Variants in ZNF395 observed in about 807,000 individuals in gnomAD.
The protein encoded by ZNF395 is HD gene regulatory region-binding protein 2.
A neutral mutation model predicts 57.7 loss-of-function variants in ZNF395; 20 were observed. The observed-to-expected ratio is 0.35, with a 90% CI of 0.24 to 0.50. ZNF395 has a LOEUF of 0.50. Among genes scored for constraint, ZNF395 ranks in the 20% least tolerant of loss-of-function variants. The probability of loss-of-function intolerance (pLI) is 0.97; values close to 1 mark genes in which losing one functional copy is unlikely to be tolerated. For missense variants in ZNF395, 606 were observed against 671.2 expected, an observed-to-expected ratio of 0.90 and a Z score of 1.07; for synonymous variants, 295 against 275.9, an observed-to-expected ratio of 1.07 and a Z score of -0.69.
chr8:28,385,110 T>C (rs1476979585), intron 1 of ZNF395: 1 of 152,282 alleles, frequency 6.6e-6, no homozygotes, highest in Non-Finnish European at 1.5e-5. Flanking sequence ...TGTACTTTTC[T>C]AGAAAGGGGG....
intron 8 of ZNF395, 71 bp downstream of exon 8, chr8:28,349,993 C>A: frequency 7.2e-7 from 1 of 1,388,444 alleles, no homozygotes; most frequent in Non-Finnish European, 9.5e-7. Flanking sequence ...CAAGGGATGG[C>A]CTCCAGCCCT....
At chr8:28,384,291 T>C (rs1802144377) in intron 1 of ZNF395, among the ~76,000 whole-genome samples, 1 of 152,198 alleles carries the variant, frequency 6.6e-6, no homozygotes, top group Admixed American at 6.5e-5. Flanking sequence ...TCTCCACCTC[T>C]ATCTCCTACT....
intron 1 of ZNF395, 124 bp from the exon 2 acceptor site, chr8:28,361,306 C>T (rs1037729915): frequency 2.5e-6 from 2 of 809,498 alleles, no homozygotes; most frequent in Non-Finnish European, 3.8e-6. Context: ...AAAGTGATAT[C>T]CATTCCTAGT....
At chr8:28,354,113 C>T (rs1456291825) in intron 4 of ZNF395, among the ~76,000 whole-genome samples, 4 of 152,192 alleles carry the variant, frequency 2.6e-5, no homozygotes, top group South Asian at 2.1e-4. Flanking sequence ...ACAAGCTCTG[C>T]GAGCAATTCT....
Position 28,351,481 on chromosome 8 carries a change from GC to G in ZNF395, c.1233+13del. 2 of 1,579,570 alleles carry G rather than the reference GC, an allele frequency of 1.3e-6. No individual in the cohort carries two copies. The highest frequency in any genetic ancestry group is 1.1e-5 in the South Asian group (1 of 88,306). ...AGCTATGAGCCTGAGCCTCCAGCGA[GC>G]CCCGCCCCATACCTGGTATGCATGA... On this transcript the variant is annotated intron_variant, in intron 7 of 9. Coordinates refer to ENST00000344423, the MANE Select transcript of ZNF395 (RefSeq NM_018660.3).
rs116469566 is a variant in ZNF395, at chr8:28,352,035, C to T, written c.921-228G>A. Among the ~76,000 whole-genome samples the T allele has an allele frequency of 0.011, 1,654 of 152,330 alleles. 36 individuals carry two copies. Among genetic ancestry groups the T allele is most frequent in the African/African-American group, 0.037 (1,527 of 41,570 alleles). On this transcript the variant is annotated intron_variant, in intron 6 of 9. Coordinates refer to ENST00000344423, the MANE Select transcript of ZNF395 (RefSeq NM_018660.3). This position sits in a 1 kb window ranked among gnomAD's most constrained non-coding sequence, Gnocchi z 4.0. ...ACCTAAGGCTCATTCTCTCCCGGAA[C>T]ATGTGCCAACCTCTCCTCTGGCAGG...
intron 1 of ZNF395, among the ~76,000 whole-genome samples, chr8:28,372,125 T>C (rs1054000939): frequency 6.6e-6 from 1 of 152,064 alleles, no homozygotes; most frequent in African/African-American, 2.4e-5. Context: ...TGTGCCTCAG[T>C]TTCCTCACGT....
intron 1 of ZNF395, among the ~76,000 whole-genome samples, chr8:28,377,565 G>C (rs1383717193): frequency 6.6e-6 from 1 of 151,946 alleles, no homozygotes; most frequent in Non-Finnish European, 1.5e-5. Context: ...CTCATCACTG[G>C]TGTCAGGATG....
intron 1 of ZNF395, among the ~76,000 whole-genome samples, chr8:28,361,605 T>C (rs924014959): frequency 6.6e-6 from 1 of 152,242 alleles, no homozygotes; most frequent in Non-Finnish European, 1.5e-5. Flanking sequence ...CTGCACCCAA[T>C]GGTCTGCTGT....
At chr8:28,374,322 A>G (rs545152746) in intron 1 of ZNF395, among the ~76,000 whole-genome samples, 1 of 152,360 alleles carries the variant, frequency 6.6e-6, no homozygotes, top group East Asian at 1.9e-4. Context: ...AAGAACAGCA[A>G]GTCCATGAAA....
chr8:28,372,717 G>A (rs1185999910), intron 1 of ZNF395, among the ~76,000 whole-genome samples: 1 of 152,196 alleles, frequency 6.6e-6, no homozygotes, highest in African/African-American at 2.4e-5. Context: ...AGCCTGGGAG[G>A]TTGAGGCTGC....
In ZNF395 at chr8:28,352,921, C is replaced by G. The variant is rs62502407; in HGVS notation, c.820-248G>C. On this transcript the variant is annotated intron_variant, in intron 5 of 9. Transcript: ENST00000344423. This position sits in a 1 kb window ranked among gnomAD's most constrained non-coding sequence, Gnocchi z 4.0. ...AAGACCCTACTGGAGGCCTCTCCCA[C>G]GCAGACCTCTGCAGAAACACAGGAA... 1.3e-5 allele frequency among the ~76,000 whole-genome samples: 2 copies of G among 152,318 alleles called. No individual in the cohort carries two copies. Among genetic ancestry groups the G allele is most frequent in the Non-Finnish European group, 1.5e-5 (1 of 68,020 alleles).
intron 1 of ZNF395, 39 bp from the exon 2 acceptor site, chr8:28,361,221 C>G: frequency 6.4e-7 from 1 of 1,551,980 alleles, no homozygotes; most frequent in Non-Finnish European, 8.8e-7. Flanking sequence ...GAGCCCCACA[C>G]AGCAGGAGCC....
chr8:28,369,074 G>A (rs1057019673), intron 1 of ZNF395, among the ~76,000 whole-genome samples: 4 of 151,396 alleles, frequency 2.6e-5, no homozygotes, highest in African/African-American at 9.7e-5. Flanking sequence ...GGCTTCAAGT[G>A]ATCTGCCCAC....
chr8:28,357,071 G>A (rs1003038306), intron 3 of ZNF395, among the ~76,000 whole-genome samples: 2 of 152,116 alleles, frequency 1.3e-5, no homozygotes, highest in African/African-American at 4.8e-5. Flanking sequence ...GACGCCCTGA[G>A]ACAGCCCCAT....
chr8:28,351,982 C>T (rs548473005), intron 6 of ZNF395, among the ~76,000 whole-genome samples, 175 bp from the exon 7 acceptor site: 3 of 152,312 alleles, frequency 2.0e-5, no homozygotes, highest in African/African-American at 7.2e-5. Flanking sequence ...TTATGTGTTG[C>T]ACATCAACGG....
intron 1 of ZNF395, among the ~76,000 whole-genome samples, chr8:28,377,293 C>T (rs1802053152): frequency 6.6e-6 from 1 of 152,136 alleles, no homozygotes; most frequent in Non-Finnish European, 1.5e-5. Context: ...AATCCCAGCA[C>T]TTTAGGAAGC....
chr8:28,351,102 C>T (rs1255113021), intron 7 of ZNF395, among the ~76,000 whole-genome samples: 1 of 152,180 alleles, frequency 6.6e-6, no homozygotes, highest in East Asian at 1.9e-4. Flanking sequence ...ATTCTTGGCC[C>T]GCAGGAAGTA....
rs371985621 is a variant in ZNF395 at position 28,348,856 on chromosome 8, G to C, written c.1431-26C>G. 12 of 1,610,972 alleles carry C rather than the reference G, an allele frequency of 7.4e-6. No homozygotes were observed. In the Middle Eastern group the frequency reaches 5.0e-4, roughly 67 times the overall value. ...CTGCAGAAAGAGAGGAATGCAAATC[G>C]AGCCCCACACAGGTGGTGGGCCCAG... is the stretch of plus-strand genomic sequence containing the variant. On this transcript the variant is annotated intron_variant, in intron 9 of 9. Coordinates refer to ENST00000344423, the MANE Select transcript of ZNF395 (RefSeq NM_018660.3).
Sources: gnomAD v4.1 joint callset for allele counts (sites outside exome capture counted in the v4.1 genomes callset) on GRCh38, gnomAD v4.1.1 for gene constraint, Gnocchi (gnomAD v3.1) non-coding constraint, MANE v1.5 for transcripts, NCBI Gene and HGNC (gene_info 2026-07-23, HGNC 2026-07-21) for gene names.